Variants in DNAJC11 observed in about 807,000 individuals in gnomAD.
The protein encoded by DNAJC11 is DnaJ heat shock protein family (Hsp40) member C11.
DNAJC11 carries 15 observed loss-of-function variants against 78.6 expected under a neutral mutation model. The observed-to-expected ratio is 0.19, with a 90% CI of 0.13 to 0.29. The LOEUF (loss-of-function observed/expected upper bound fraction) is 0.29. DNAJC11 is among the 10% of genes least tolerant of loss of function. The pLI, the probability that DNAJC11 is intolerant of heterozygous loss-of-function variation, is 1.00. For missense variants in DNAJC11, 547 were observed against 709.6 expected, an observed-to-expected ratio of 0.77 and a Z score of 2.60; for synonymous variants, 292 against 272.1, an observed-to-expected ratio of 1.07 and a Z score of -0.72.
intron 10 of DNAJC11, among the ~76,000 whole-genome samples, chr1:6,642,019 G>A (rs1213778531): frequency 6.6e-6 from 1 of 152,188 alleles, no homozygotes; most frequent in Non-Finnish European, 1.5e-5. Flanking sequence ...TGAGCAGACA[G>A]CAGATACTTA....
intron 1 of DNAJC11, among the ~76,000 whole-genome samples, chr1:6,700,300 C>A (rs763247886): frequency 6.6e-6 from 1 of 152,236 alleles, no homozygotes; most frequent in Non-Finnish European, 1.5e-5. Context: ...AATCCCACCA[C>A]CCTTTGCTGA....
At chr1:6,678,082 C>T (rs913911937) in intron 3 of DNAJC11, among the ~76,000 whole-genome samples, 2 of 152,126 alleles carry the variant, frequency 1.3e-5, no homozygotes, top group African/African-American at 2.4e-5. Context: ...TCCCATCAAC[C>T]CCCTGCTCCG....
At chr1:6,668,140 C>CTTTT (rs911845438) in intron 3 of DNAJC11, 1 of 241,618 alleles carries the variant, frequency 4.1e-6, no homozygotes, top group Non-Finnish European at 8.0e-6. Context: ...GAATTTCTTT[C>CTTTT]TTTTTTTTCT....
At position 6,634,570 on chromosome 1, in the gene DNAJC11, G is replaced by C. The variant is rs766242435; in HGVS notation, c.*1105C>G. 1 of 1,365,778 alleles carries C rather than the reference G, an allele frequency of 7.3e-7. No homozygotes were observed. Among genetic ancestry groups the C allele is most frequent in the South Asian group, 1.1e-5 (1 of 87,684 alleles). 84.6% of individuals were successfully genotyped at this position (1,365,778 alleles called of 1,614,324 possible). On this transcript the variant is annotated 3_prime_UTR_variant, in exon 16 of 16. Transcript: ENST00000377577. ...CGCTTGCTCCGAGGGGTCAGCAAGA[G>C]CAACTGATGGCTGCCACTTCCAGGC... is the stretch of plus-strand genomic sequence containing the variant.
At chr1:6,701,332 G>A (rs1392974678) in intron 1 of DNAJC11, among the ~76,000 whole-genome samples, 2 of 152,180 alleles carry the variant, frequency 1.3e-5, no homozygotes, top group Non-Finnish European at 2.9e-5. Context: ...CATCCTGCTG[G>A]CGGCGGGCGA....
At chr1:6,677,913 C>CAA (rs1642495787) in intron 3 of DNAJC11, among the ~76,000 whole-genome samples, 1 of 152,188 alleles carries the variant, frequency 6.6e-6, no homozygotes, top group African/African-American at 2.4e-5. Context: ...GCAACCCCAG[C>CAA]AACTCTGCTT....
chr1:6,653,946 C>T lies in DNAJC11; in HGVS notation c.472G>A (p.Glu158Lys), dbSNP rs1642091575. The T allele has an allele frequency of 6.2e-7, 1 of 1,613,308 alleles. No individual in the cohort carries two copies. The highest frequency in any genetic ancestry group is 8.5e-7 in the Non-Finnish European group (1 of 1,179,420). Reference protein sequence around the residue: ...DVSGSSFPQIEINKMHISQSI... With the variant: ...DVSGSSFPQIKINKMHISQSI... Reference sequence around the variant, plus strand: ...TGGGATATGTGCATTTTATTAATTTCAATCTGCGGAAAGCTACTGCCGGAC... The same window carrying T: ...TGGGATATGTGCATTTTATTAATTTTAATCTGCGGAAAGCTACTGCCGGAC... The change falls in exon 5 of 16, where the codon GAA becomes AAA. Residue 158 changes from glutamate (E) to lysine (K), a missense_variant. Transcript: ENST00000377577. This position sits in a 1 kb window ranked among gnomAD's most constrained non-coding sequence, Gnocchi z 4.5.
intron 1 of DNAJC11, among the ~76,000 whole-genome samples, chr1:6,686,781 T>C (rs1033335212): frequency 1.3e-5 from 2 of 152,262 alleles, no homozygotes; most frequent in Non-Finnish European, 2.9e-5. Flanking sequence ...GAATAGAGCA[T>C]GCAAATAACA....
chr1:6,634,734 G>A lies in DNAJC11; in HGVS notation c.*941C>T. The A allele has an allele frequency of 1.5e-6, 2 of 1,357,368 alleles. No homozygotes were observed. The highest frequency in any genetic ancestry group is 2.0e-6 in the Non-Finnish European group (2 of 1,017,456). 84.1% of individuals were successfully genotyped at this position (1,357,368 alleles called of 1,614,324 possible). On this transcript the variant is annotated 3_prime_UTR_variant, in exon 16 of 16. Coordinates refer to ENST00000377577, the MANE Select transcript of DNAJC11 (RefSeq NM_018198.4). ...GGAAGGCTCCGGAGCACAGGCCCTG[G>A]TGTTCCTGTGAGGACGCTGGACCTG...
chr1:6,681,321 G>T (rs1642548790), intron 1 of DNAJC11, among the ~76,000 whole-genome samples: 1 of 152,146 alleles, frequency 6.6e-6, no homozygotes, highest in Non-Finnish European at 1.5e-5. Context: ...GCTCTGAGCT[G>T]AAACAAAAAT....
At chr1:6,700,243 T>C (rs1186886325) in intron 1 of DNAJC11, among the ~76,000 whole-genome samples, 3 of 152,152 alleles carry the variant, frequency 2.0e-5, no homozygotes, top group Non-Finnish European at 2.9e-5. Context: ...CCACAAAAAA[T>C]TGCTCCTAAC....
intron 7 of DNAJC11, among the ~76,000 whole-genome samples, chr1:6,647,192 C>T (rs1434249269): frequency 2.0e-5 from 3 of 149,724 alleles, no homozygotes; most frequent in Non-Finnish European, 1.5e-5. Flanking sequence ...AGTGATTCTC[C>T]TGCCTCAGCT....
chr1:6,698,893 C>T (rs905018573), intron 1 of DNAJC11, among the ~76,000 whole-genome samples: 1 of 149,778 alleles, frequency 6.7e-6, no homozygotes, highest in South Asian at 2.1e-4. Context: ...CTATGAGCCA[C>T]GACTGCACCA....
intron 10 of DNAJC11, among the ~76,000 whole-genome samples, chr1:6,644,192 G>A (rs376081981): frequency 6.6e-5 from 10 of 151,722 alleles, no homozygotes; most frequent in African/African-American, 1.2e-4. Context: ...GCAGTGGCAC[G>A]ATCTCCATCT....
intron 3 of DNAJC11, among the ~76,000 whole-genome samples, chr1:6,668,735 G>A (rs1557479874): frequency 6.6e-6 from 1 of 152,046 alleles, no homozygotes; most frequent in African/African-American, 2.4e-5. Flanking sequence ...TGTCTGGTGG[G>A]TCTGAGTGTT....
In DNAJC11 at chr1:6,653,552, CAG is replaced by C. The variant is rs1642086232; in HGVS notation, c.507+357_507+358del. 6.6e-6 allele frequency among the ~76,000 whole-genome samples: 1 copy of C among 152,202 alleles called. No individual in the cohort carries two copies. Among genetic ancestry groups the C allele is most frequent in the South Asian group, 2.1e-4 (1 of 4,828 alleles). On this transcript the variant is annotated intron_variant, in intron 5 of 15. Coordinates refer to ENST00000377577, the MANE Select transcript of DNAJC11 (RefSeq NM_018198.4). This position sits in a 1 kb window ranked among gnomAD's most constrained non-coding sequence, Gnocchi z 4.5. ...GCTGCTATAGCCTTGCGGCACCTAG[CAG>C]AATTTGCCTTAAAACTAAAACTGGT...
At chr1:6,636,613 T>G (rs1022176067) in intron 14 of DNAJC11, among the ~76,000 whole-genome samples, 1 of 152,074 alleles carries the variant, frequency 6.6e-6, no homozygotes, top group Non-Finnish European at 1.5e-5. Flanking sequence ...ATAAACAGAA[T>G]CAAATGCCAT....
rs139546020 is a variant in DNAJC11, at chr1:6,682,560, T to A, written c.73-1523A>T. Among the ~76,000 whole-genome samples the A allele has an allele frequency of 4.3e-4, 66 of 152,228 alleles. No individual in the cohort carries two copies. In the East Asian group the frequency reaches 0.013, roughly 29 times the overall value. ...CTAGACCAGGCTCAGGCCAGCTTCA[T>A]CTGAGGAGTAGGTGATGGCGTGGGT... On this transcript the variant is annotated intron_variant, in intron 1 of 15. Coordinates refer to ENST00000377577, the MANE Select transcript of DNAJC11 (RefSeq NM_018198.4).
rs766676805 is a variant in DNAJC11 at position 6,638,320 on chromosome 1, T to C, written c.1298A>G (p.Gln433Arg). 1.9e-6 allele frequency: 3 copies of C among 1,613,600 alleles called. No individual in the cohort carries two copies. Among genetic ancestry groups the C allele is most frequent in the Admixed American group, 1.7e-5 (1 of 59,992 alleles). Reference sequence around the variant, plus strand: ...AGCGGACTCCGCCTCTTGCTTCTTCTGCAGCACATCGGTGGCGGCGCTTTC... The same window carrying C: ...AGCGGACTCCGCCTCTTGCTTCTTCCGCAGCACATCGGTGGCGGCGCTTTC... ...QRESAATDVL[Q>R]KKQEAESAVR... The change falls in exon 12 of 16, where the codon CAG becomes CGG. Residue 433 changes from glutamine to arginine, a missense_variant. Physicochemically the swap from Gln to Arg is conservative, Grantham distance 43. Transcript: ENST00000377577.
Sources: gnomAD v4.1 joint callset for allele counts (sites outside exome capture counted in the v4.1 genomes callset) on GRCh38, gnomAD v4.1.1 for gene constraint, Gnocchi (gnomAD v3.1) non-coding constraint, MANE v1.5 for transcripts, NCBI Gene and HGNC (gene_info 2026-07-23, HGNC 2026-07-21) for gene names.